The following ALDH3B1 variants were observed in gnomAD, a reference collection of about 807,000 sequenced individuals.
ALDH3B1 encodes the protein aldehyde dehydrogenase family 3 member B1.
Under a neutral mutation model 46.2 loss-of-function variants are expected in ALDH3B1, and 37 were observed. That is an observed-to-expected ratio of 0.80 (90% confidence interval 0.62 to 1.05). The LOEUF (loss-of-function observed/expected upper bound fraction) is 1.05. Ranked by LOEUF, ALDH3B1 falls within the 50% of genes least tolerant of loss-of-function variation. The pLI is 0.00. For synonymous variants in ALDH3B1, 283 were observed against 281.0 expected (o/e 1.01, Z -0.07); for missense variants, 603 against 665.5 (o/e 0.91, Z 1.03).
rs1857534249 is a variant in ALDH3B1, at chr11:68,022,722, G to A, written c.1077G>A (p.Glu359=). Residue 359 remains glutamate, a synonymous_variant, in exon 8 of 10, where the codon GAG becomes GAA. Coordinates refer to ENST00000342456, the MANE Select transcript of ALDH3B1 (RefSeq NM_000694.4). ...DEAIEFINRR[E]KPLALYAFSN... ...CCATCGAGTTCATCAACCGGCGGGAGAAGCCCCTGGCCCTGTACGCCTTCT... is the reference window on the plus strand; with the variant it reads ...CCATCGAGTTCATCAACCGGCGGGAAAAGCCCCTGGCCCTGTACGCCTTCT... The A allele has an allele frequency of 1.2e-6, 2 of 1,614,048 alleles. No individual in the cohort carries two copies. The highest frequency in any genetic ancestry group is 2.7e-5 in the African/African-American group (2 of 74,934).
At position 68,015,322 on chromosome 11, in the gene ALDH3B1, C is replaced by A. The variant is rs147445707; in HGVS notation, c.25C>A (p.Arg9=). MDPLGDTL[R]RLREAFHAGR... The stretch of plus-strand genomic sequence containing the variant: ...GATGGACCCCCTTGGGGACACGCTG[C>A]GGCGACTGCGGGAGGCCTTCCACGC... The change falls in exon 2 of 10, where the codon CGG becomes AGG. Residue 9 remains arginine, a synonymous_variant. Coordinates refer to ENST00000342456, the MANE Select transcript of ALDH3B1 (RefSeq NM_000694.4). The A allele has an allele frequency of 3.5e-4, 533 of 1,512,060 alleles. 2 individuals carry two copies. The East Asian group carries it at 0.011, about 32-fold the overall frequency. 93.7% of individuals were successfully genotyped at this position (1,512,060 alleles called of 1,614,324 possible).
intron 7 of ALDH3B1, 78 bp downstream of exon 7, chr11:68,021,949 C>T (rs903474049): frequency 7.9e-6 from 12 of 1,517,404 alleles, no homozygotes; most frequent in Middle Eastern, 3.6e-4. Context: ...TGGGCCACAA[C>T]TCTGGACCCG....
intron 8 of ALDH3B1, among the ~76,000 whole-genome samples, chr11:68,023,951 G>A (rs1367641291): frequency 2.0e-5 from 3 of 150,120 alleles, no homozygotes; most frequent in South Asian, 2.1e-4. Flanking sequence ...AGGCTGAGGT[G>A]GAAGGATCTC....
chr11:68,027,292 C>T (rs1857650088), intron 9 of ALDH3B1, among the ~76,000 whole-genome samples: 1 of 152,188 alleles, frequency 6.6e-6, no homozygotes, highest in Non-Finnish European at 1.5e-5. Context: ...AACGCCCTGG[C>T]CTGGGGCCTC....
Position 68,021,558 on chromosome 11 carries a change from G to A in ALDH3B1, c.636G>A (p.Gly212=), listed in dbSNP as rs375312693. 8 of 1,613,944 alleles carry A rather than the reference G, an allele frequency of 5.0e-6. No homozygotes were observed. In the African/African-American group the frequency reaches 6.7e-5, roughly 13 times the overall value. ...TGACACCTGTCACCCTGGAGCTGGG[G>A]GGCAAGAACCCTTGCTACGTGGACG... The part of the protein sequence containing the change: ...KHLTPVTLEL[G]GKNPCYVDDN... Residue 212 remains glycine (G), a synonymous_variant, in exon 7 of 10, where the codon GGG becomes GGA. Transcript: ENST00000342456.
intron 1 of ALDH3B1, among the ~76,000 whole-genome samples, chr11:68,012,155 T>A (rs1198416137): frequency 6.6e-6 from 1 of 151,992 alleles, no homozygotes; most frequent in Admixed American, 6.5e-5. Flanking sequence ...TAGGCCAGGG[T>A]GTGAACGAGC....
intron 6 of ALDH3B1, 119 bp downstream of exon 6, chr11:68,019,915 G>C: frequency 9.0e-7 from 1 of 1,114,128 alleles, no homozygotes; most frequent in Non-Finnish European, 1.3e-6. Context: ...TCTCTCTCTG[G>C]ACCAGGCTGG....
At chr11:68,016,456 G>C (rs1431039710) in intron 2 of ALDH3B1, 1 of 152,362 alleles carries the variant, frequency 6.6e-6, no homozygotes, top group Non-Finnish European at 1.5e-5. Flanking sequence ...CCTTCTCTCT[G>C]GGTACAGCAG....
chr11:68,015,233 C>T, intron 1 of ALDH3B1, 64 bp from the exon 2 acceptor site: 1 of 1,440,928 alleles, frequency 6.9e-7, no homozygotes, highest in Non-Finnish European at 9.1e-7. Context: ...CCTGGGGCGG[C>T]TGGGTGGTGC....
rs760136081 is a variant in ALDH3B1 at position 68,029,110 on chromosome 11, G to A, written c.*1171G>A. On this transcript the variant is annotated 3_prime_UTR_variant, in exon 10 of 10. Coordinates refer to ENST00000342456, the MANE Select transcript of ALDH3B1 (RefSeq NM_000694.4). ...AGAAACCTACATTTGGACAATGAGA[G>A]GCTGCTCCTGCGGCCTGCGGGCCAC... is the stretch of plus-strand genomic sequence containing the variant. 2 of 152,284 alleles carry A rather than the reference G, an allele frequency of 1.3e-5. No individual in the cohort carries two copies. The highest frequency in any genetic ancestry group is 6.5e-5 in the Admixed American group (1 of 15,292). 9.4% of individuals were successfully genotyped at this position (152,284 alleles called of 1,614,324 possible). A position where few individuals can be genotyped will look rare whatever the true frequency, so the allele number is the denominator to read the frequency against.
chr11:68,022,598 C>T lies in ALDH3B1; in HGVS notation c.953C>T (p.Pro318Leu). 1 of 1,613,600 alleles carries T rather than the reference C, an allele frequency of 6.2e-7. No individual in the cohort carries two copies. Among genetic ancestry groups the T allele is most frequent in the Non-Finnish European group, 8.5e-7 (1 of 1,179,976 alleles). Residue 318 changes from proline to leucine, a missense_variant, in exon 8 of 10, where the codon CCC becomes CTC. Pro to Leu is a moderately conservative substitution (Grantham distance 98). Transcript: ENST00000342456. ...GAGCTGTCTCTGGTGCCTGCAGCCC[C>T]CACGGTGCTGGTGGATGTGCAGGAG... ...QSDESDRYIA[P>L]TVLVDVQEME...
chr11:68,019,334 G>A (rs1857432875), intron 5 of ALDH3B1, 79 bp downstream of exon 5: 17 of 1,312,172 alleles, frequency 1.3e-5, no homozygotes, highest in Non-Finnish European at 1.7e-5. Context: ...GGAAGGGCCT[G>A]TCAGTCAGAC....
In ALDH3B1 at chr11:68,028,293, A is replaced by G; in HGVS notation, c.*354A>G. 1 of 430,128 alleles carries G rather than the reference A, an allele frequency of 2.3e-6. No homozygotes were observed. The highest frequency in any genetic ancestry group is 1.9e-5 in the South Asian group (1 of 52,792). The allele number at this position is 430,128 out of a possible 1,614,324, so 26.6% of individuals were successfully genotyped here. On this transcript the variant is annotated 3_prime_UTR_variant, in exon 10 of 10. Transcript: ENST00000342456. ...TCCGAGGGGCCCTGGCATCTGACTC[A>G]GGCCACACCATGGAATCACTGCATC...
rs755464871 is a variant in ALDH3B1 at position 68,018,547 on chromosome 11, G to A, written c.183G>A (p.Val61=). ...TGCAGTCAGCCTTCGAGTCGGAGGT[G>A]TCTGAGGTTGCCATCAGCCAGGGCG... ...DLHKSAFESE[V]SEVAISQGEV... is the part of the protein sequence containing the mutation. The change falls in exon 3 of 10, where the codon GTG becomes GTA. Residue 61 remains valine (V), a synonymous_variant. Coordinates refer to ENST00000342456, the MANE Select transcript of ALDH3B1 (RefSeq NM_000694.4). 4 of 1,576,318 alleles carry A rather than the reference G, an allele frequency of 2.5e-6. No homozygotes were observed. The highest frequency in any genetic ancestry group is 3.7e-5 in the Admixed American group (2 of 54,212).
In ALDH3B1 at chr11:68,028,007, C is replaced by A; in HGVS notation, c.*68C>A. On this transcript the variant is annotated 3_prime_UTR_variant, in exon 10 of 10. Transcript: ENST00000342456. The stretch of plus-strand genomic sequence containing the variant: ...CGCCTGCGGCTGGTGGAGACGGGGC[C>A]TGGGCTCCCGGGCCCGAGGAGGAAA... 1.3e-6 allele frequency: 2 copies of A among 1,563,094 alleles called. No homozygotes were observed. Among genetic ancestry groups the A allele is most frequent in the East Asian group, 2.3e-5 (1 of 43,256 alleles).
At chr11:68,015,684 G>A in intron 2 of ALDH3B1, 1 of 709,334 alleles carries the variant, frequency 1.4e-6, no homozygotes, top group Non-Finnish European at 2.5e-6. Flanking sequence ...ACTGTTCTAG[G>A]CTCTGGGGAT....
At chr11:68,021,353 C>A in intron 6 of ALDH3B1, 132 bp from the exon 7 acceptor site, 1 of 1,371,740 alleles carries the variant, frequency 7.3e-7, no homozygotes, top group Non-Finnish European at 9.9e-7. Flanking sequence ...CAGTGAGGAA[C>A]AAGGAAAGGC....
chr11:68,024,419 T>C (rs953350281), intron 8 of ALDH3B1: 1 of 152,302 alleles, frequency 6.6e-6, no homozygotes, highest in Non-Finnish European at 1.5e-5. Context: ...TTAAGCTGTA[T>C]GCTGCTCTAT....
chr11:68,020,110 C>T (rs1857454986), intron 6 of ALDH3B1, among the ~76,000 whole-genome samples: 1 of 152,236 alleles, frequency 6.6e-6, no homozygotes, highest in Non-Finnish European at 1.5e-5. Flanking sequence ...ACAGCCCTCT[C>T]TGCAGGCAGA....
Sources: gnomAD v4.1 joint callset for allele counts (sites outside exome capture counted in the v4.1 genomes callset) on GRCh38, gnomAD v4.1.1 for gene constraint, MANE v1.5 for transcripts, NCBI Gene and HGNC (gene_info 2026-07-23, HGNC 2026-07-21) for gene names.